Variants in MACROD2 observed in about 807,000 individuals in gnomAD.
MACROD2 encodes ADP-ribose glycohydrolase MACROD2.
A neutral mutation model predicts 70.4 loss-of-function variants in MACROD2; 36 were observed. The ratio of observed to expected loss-of-function variants is 0.51; its 90% CI spans 0.39 to 0.68. MACROD2 has a LOEUF of 0.68. MACROD2 is among the 30% of genes least tolerant of loss of function. The pLI, the probability that MACROD2 is intolerant of heterozygous loss-of-function variation, is 0.00. For missense variants in MACROD2, 496 were observed against 538.4 expected, an observed-to-expected ratio of 0.92 and a Z score of 0.78; for synonymous variants, 172 against 178.8, an observed-to-expected ratio of 0.96 and a Z score of 0.30.
chr20:14,055,167 T>C (rs2053617403), intron 2 of MACROD2, among the ~76,000 whole-genome samples: 2 of 152,186 alleles, frequency 1.3e-5, no homozygotes, highest in South Asian at 4.1e-4. Context: ...CATTTCAGGT[T>C]AAGAAAGAAA....
intron 17 of MACROD2, among the ~76,000 whole-genome samples, chr20:16,047,500 G>C (rs771072529): frequency 6.6e-6 from 1 of 152,152 alleles, no homozygotes; most frequent in Non-Finnish European, 1.5e-5. Context: ...ACTGAGTGTG[G>C]CTTCTAGGTT....
chr20:15,205,013 A>G (rs1160062807), intron 5 of MACROD2, among the ~76,000 whole-genome samples: 1 of 152,174 alleles, frequency 6.6e-6, no homozygotes, highest in East Asian at 1.9e-4. Context: ...AATGTTCTAT[A>G]TATGTGAGGA....
At chr20:14,879,930 C>T (rs1222196191) in intron 5 of MACROD2, among the ~76,000 whole-genome samples, 3 of 152,164 alleles carry the variant, frequency 2.0e-5, no homozygotes, top group Non-Finnish European at 2.9e-5. Context: ...ATGTGTTTCT[C>T]AAATTATCTT....
At chr20:15,629,437 T>G (rs1426740369) in intron 8 of MACROD2, among the ~76,000 whole-genome samples, 2 of 152,242 alleles carry the variant, frequency 1.3e-5, no homozygotes, top group African/African-American at 2.4e-5. Flanking sequence ...TTCTTCCATT[T>G]AAGTATTTTC....
intron 6 of MACROD2, among the ~76,000 whole-genome samples, chr20:15,386,021 T>C (rs2045708196): frequency 6.6e-6 from 1 of 152,188 alleles, no homozygotes; most frequent in South Asian, 2.1e-4. Context: ...CTGCTCGGTT[T>C]CAGTCTCACA....
intron 4 of MACROD2, among the ~76,000 whole-genome samples, chr20:14,502,740 A>T (rs1274239502): frequency 6.6e-6 from 1 of 152,236 alleles, no homozygotes; most frequent in Non-Finnish European, 1.5e-5. Flanking sequence ...ATTGTTGGAT[A>T]ACACAAATCC....
At chr20:14,553,370 C>T (rs1260611314) in intron 4 of MACROD2, among the ~76,000 whole-genome samples, 2 of 150,876 alleles carry the variant, frequency 1.3e-5, no homozygotes, top group South Asian at 2.1e-4. Context: ...TTCTGGAATA[C>T]CTCCTAAAGG....
At chr20:15,179,404 C>A (rs1237119567) in intron 5 of MACROD2, among the ~76,000 whole-genome samples, 1 of 152,176 alleles carries the variant, frequency 6.6e-6, no homozygotes, top group Non-Finnish European at 1.5e-5. Context: ...AAGCCCCCCA[C>A]TCCTCCCACC....
intron 12 of MACROD2, among the ~76,000 whole-genome samples, chr20:15,946,945 T>C (rs2065832023): frequency 6.6e-6 from 1 of 152,064 alleles, no homozygotes; most frequent in African/African-American, 2.4e-5. Flanking sequence ...AAGAAATCTG[T>C]GTCACAAATA....
In MACROD2 at chr20:14,036,685, A is replaced by G. The variant is rs112047023; in HGVS notation, c.163+34281A>G. On this transcript the variant is annotated intron_variant, in intron 2 of 17. Transcript: ENST00000684519. ...TTAGTAAATATCTATTGATTACCTT[A>G]TTTTTCCCTGCTCTGTCATCCAGGC... is the stretch of plus-strand genomic sequence containing the variant. Among the ~76,000 whole-genome samples the G allele has an allele frequency of 4.1e-4, 62 of 152,098 alleles. 2 individuals are homozygous for G. The highest frequency in any genetic ancestry group is 1.4e-3 in the African/African-American group (60 of 41,494).
chr20:14,644,343 G>T (rs756302257), intron 4 of MACROD2, among the ~76,000 whole-genome samples: 1 of 152,098 alleles, frequency 6.6e-6, no homozygotes, highest in Non-Finnish European at 1.5e-5. Context: ...ATCTTCAAAA[G>T]CCCATTTCAA....
chr20:15,218,148 A>G (rs2076827280), intron 5 of MACROD2, among the ~76,000 whole-genome samples: 1 of 152,048 alleles, frequency 6.6e-6, no homozygotes, highest in Admixed American at 6.5e-5. Context: ...TCTGCATCTT[A>G]TTTCTATGTT....
chr20:14,149,416 G>T (rs2054987097), intron 3 of MACROD2, among the ~76,000 whole-genome samples: 1 of 152,000 alleles, frequency 6.6e-6, no homozygotes, highest in South Asian at 2.1e-4. Flanking sequence ...GGGCAGCTAG[G>T]TTGATTTGCT....
intron 3 of MACROD2, among the ~76,000 whole-genome samples, chr20:14,293,893 T>C (rs1384134670): frequency 1.3e-5 from 2 of 151,898 alleles, no homozygotes; most frequent in East Asian, 3.8e-4. Context: ...TATGAAAATA[T>C]AGACATAAAT....
chr20:15,400,613 C>T (rs2045915884), intron 6 of MACROD2, among the ~76,000 whole-genome samples: 1 of 152,160 alleles, frequency 6.6e-6, no homozygotes, highest in Non-Finnish European at 1.5e-5. Flanking sequence ...AATAAGGGGA[C>T]TTCTGGGAGC....
At chr20:15,566,034 G>A (rs2048305721) in intron 8 of MACROD2, among the ~76,000 whole-genome samples, 1 of 152,138 alleles carries the variant, frequency 6.6e-6, no homozygotes, top group African/African-American at 2.4e-5. Context: ...CAGCACTACA[G>A]TTCTGTGAAA....
chr20:15,876,473 A>T (rs1601038526), intron 9 of MACROD2, among the ~76,000 whole-genome samples: 1 of 152,140 alleles, frequency 6.6e-6, no homozygotes, highest in Non-Finnish European at 1.5e-5. Context: ...ATAGTATTCC[A>T]TGGTGTATAT....
intron 5 of MACROD2, among the ~76,000 whole-genome samples, chr20:14,696,347 C>CT (rs1432345315): frequency 5.9e-5 from 9 of 152,000 alleles, no homozygotes; most frequent in East Asian, 3.9e-4. Context: ...CACTCACATG[C>CT]TTTTTTTTAC....
At chr20:14,538,774 C>A (rs2085397675) in intron 4 of MACROD2, among the ~76,000 whole-genome samples, 1 of 152,178 alleles carries the variant, frequency 6.6e-6, no homozygotes, top group Non-Finnish European at 1.5e-5. Flanking sequence ...CTTCTGCTGA[C>A]CGCCCCCCTC....
Sources: allele counts gnomAD v4.1 joint callset (sites outside exome capture counted in the v4.1 genomes callset), GRCh38; gene constraint gnomAD v4.1.1; transcripts MANE v1.5; gene names NCBI Gene and HGNC (gene_info 2026-07-23, HGNC 2026-07-21).